The following PTPRN2 variants were observed in gnomAD, a reference collection of about 807,000 sequenced individuals.
PTPRN2 encodes receptor-type tyrosine-protein phosphatase N2.
A neutral mutation model predicts 118.8 loss-of-function variants in PTPRN2; 74 were observed. That is an observed-to-expected ratio of 0.62 (90% confidence interval 0.52 to 0.76). The LOEUF (loss-of-function observed/expected upper bound fraction) is 0.76, where lower values mean the gene tolerates loss of function less well. Among genes scored for constraint, PTPRN2 ranks in the 30% least tolerant of loss-of-function variants. The pLI, the probability that PTPRN2 is intolerant of heterozygous loss-of-function variation, is 0.00. For missense variants in PTPRN2, 1,481 were observed against 1,394.4 expected (o/e 1.06, Z -0.99); for synonymous variants, 641 against 608.0 (o/e 1.05, Z -0.80).
intron 11 of PTPRN2, among the ~76,000 whole-genome samples, chr7:157,942,993 C>G (rs1280225273): frequency 6.6e-6 from 1 of 152,194 alleles, no homozygotes; most frequent in African/African-American, 2.4e-5. Flanking sequence ...TCTGCAAGAG[C>G]CGAGCTCTGT....
At chr7:157,634,018 C>T (rs960913612) in intron 14 of PTPRN2, among the ~76,000 whole-genome samples, 9 of 152,008 alleles carry the variant, frequency 5.9e-5, no homozygotes, top group Admixed American at 2.0e-4. Context: ...TGGGGAACAG[C>T]GCGTGGGGAA....
intron 12 of PTPRN2, among the ~76,000 whole-genome samples, chr7:157,771,933 C>A (rs997481193): frequency 3.1e-5 from 4 of 130,082 alleles, no homozygotes; most frequent in Admixed American, 7.2e-5. Flanking sequence ...GAGACACACA[C>A]AGACACATAC....
rs1423597257 is a variant in PTPRN2 at position 158,587,760 on chromosome 7, C to G, written c.-91G>C. ...CCGGGCCCAGGGAGGCGCGCGCCGC[C>G]GGCTCCTCCCGCCGCGCCTCTCGCG... On this transcript the variant is annotated 5_prime_UTR_variant, in exon 1 of 23. Transcript: ENST00000389418. 9 of 1,041,432 alleles carry G rather than the reference C, an allele frequency of 8.6e-6. No homozygotes were observed. In the South Asian group the frequency reaches 2.7e-4, roughly 31 times the overall value. The allele number at this position is 1,041,432 out of a possible 1,614,324, so 64.5% of individuals were successfully genotyped here.
intron 2 of PTPRN2, among the ~76,000 whole-genome samples, chr7:158,405,328 G>A (rs1813322585): frequency 6.6e-6 from 1 of 152,172 alleles, no homozygotes; most frequent in Non-Finnish European, 1.5e-5. Flanking sequence ...CTAGCTATAG[G>A]AAAACTCTCT....
chr7:158,373,655 A>C (rs1810274087), intron 2 of PTPRN2, among the ~76,000 whole-genome samples: 1 of 152,232 alleles, frequency 6.6e-6, no homozygotes, highest in South Asian at 2.1e-4. Context: ...AATGTGATTC[A>C]TCCATCTTTG....
At chr7:158,041,985 A>G (rs1287474816) in intron 11 of PTPRN2, among the ~76,000 whole-genome samples, 6 of 152,226 alleles carry the variant, frequency 3.9e-5, no homozygotes, top group African/African-American at 7.2e-5. Flanking sequence ...TTCTTTATGT[A>G]AAAATGTACC....
intron 12 of PTPRN2, among the ~76,000 whole-genome samples, chr7:157,873,150 G>A (rs935146500): frequency 6.6e-6 from 1 of 152,214 alleles, no homozygotes; most frequent in Non-Finnish European, 1.5e-5. Context: ...CCTCTGACCG[G>A]GCCTCTTGCC....
At chr7:157,630,391 T>A (rs138499228) in intron 14 of PTPRN2, among the ~76,000 whole-genome samples, 391 of 152,298 alleles carry the variant, frequency 2.6e-3, no homozygotes, top group Non-Finnish European at 3.7e-3. Flanking sequence ...GAAACAGGAA[T>A]CCCGACCCAT....
intron 3 of PTPRN2, among the ~76,000 whole-genome samples, chr7:158,230,111 GA>G (rs201765153): frequency 6.6e-6 from 1 of 152,016 alleles, no homozygotes; most frequent in Non-Finnish European, 1.5e-5. Flanking sequence ...GCTGGAAGGA[GA>G]AAAAAATGAA....
At chr7:158,149,307 T>C (rs1820650948) in intron 6 of PTPRN2, among the ~76,000 whole-genome samples, 1 of 152,212 alleles carries the variant, frequency 6.6e-6, no homozygotes. Context: ...ATGTCATCAA[T>C]GTGTAAATCA....
intron 2 of PTPRN2, among the ~76,000 whole-genome samples, chr7:158,329,777 G>A (rs966774543): frequency 2.0e-4 from 30 of 152,236 alleles, no homozygotes; most frequent in East Asian, 1.7e-3. Context: ...CCTGGGAGTC[G>A]CAACCCAAGA....
intron 11 of PTPRN2, among the ~76,000 whole-genome samples, chr7:157,982,690 G>A (rs1367130497): frequency 7.5e-6 from 1 of 132,832 alleles, no homozygotes; most frequent in Non-Finnish European, 1.6e-5. Context: ...CACAGAGATG[G>A]AGGGGAATGC....
rs2151427964 is a variant in PTPRN2, at chr7:158,408,648, A to G, written c.163+81087T>C. The stretch of plus-strand genomic sequence containing the variant: ...AAGTCCAAATGATAAGAAAAGGTAA[A>G]TTGCATAATATAAATAAGGTGTTTC... On this transcript the variant is annotated intron_variant, in intron 2 of 22. Coordinates refer to ENST00000389418, the MANE Select transcript of PTPRN2 (RefSeq NM_002847.5). Among the ~76,000 whole-genome samples the G allele has an allele frequency of 2.0e-5, 3 of 152,364 alleles. 1 individual carries two copies. In the South Asian group the frequency reaches 6.2e-4, roughly 32 times the overall value.
rs539202589 is a variant in PTPRN2 at position 158,445,774 on chromosome 7, C to T, written c.163+43961G>A. On this transcript the variant is annotated intron_variant, in intron 2 of 22. Coordinates refer to ENST00000389418, the MANE Select transcript of PTPRN2 (RefSeq NM_002847.5). ...CCAAGTCAGCCTGTCCCTCCTTTGC[C>T]CCAGATGGCTCCTGCTCCCACCTCC... Among the ~76,000 whole-genome samples the T allele has an allele frequency of 1.7e-3, 262 of 152,354 alleles. 2 individuals carry two copies. Among genetic ancestry groups the T allele is most frequent in the African/African-American group, 5.6e-3 (231 of 41,590 alleles).
intron 13 of PTPRN2, among the ~76,000 whole-genome samples, chr7:157,662,772 C>T (rs992614269): frequency 2.6e-5 from 4 of 152,182 alleles, no homozygotes; most frequent in African/African-American, 4.8e-5. Flanking sequence ...ATCCATGCCG[C>T]GACTGCTTTC....
intron 8 of PTPRN2, among the ~76,000 whole-genome samples, chr7:158,135,439 G>A (rs938136012): frequency 2.7e-5 from 4 of 145,494 alleles, no homozygotes; most frequent in Non-Finnish European, 6.0e-5. Flanking sequence ...CATGTGAGAA[G>A]AAAAAGAAAG....
At chr7:158,527,355 C>T (rs909426473) in intron 1 of PTPRN2, among the ~76,000 whole-genome samples, 4 of 152,198 alleles carry the variant, frequency 2.6e-5, no homozygotes, top group African/African-American at 9.7e-5. Flanking sequence ...TCCCTGAAGA[C>T]AGGGCCAGCC....
At chr7:157,620,573 G>A (rs756119259) in intron 15 of PTPRN2, among the ~76,000 whole-genome samples, 12 of 152,212 alleles carry the variant, frequency 7.9e-5, no homozygotes, top group East Asian at 3.8e-4. Context: ...GGACGACAGC[G>A]TGACCCCAAT....
At chr7:157,883,466 C>A (rs984925370) in intron 12 of PTPRN2, among the ~76,000 whole-genome samples, 2 of 151,098 alleles carry the variant, frequency 1.3e-5, no homozygotes, top group African/African-American at 4.9e-5. Flanking sequence ...CGGAATGCAC[C>A]ACCCCAAAAA....
Sources: allele counts gnomAD v4.1 joint callset (sites outside exome capture counted in the v4.1 genomes callset), GRCh38; gene constraint gnomAD v4.1.1; transcripts MANE v1.5; gene names NCBI Gene and HGNC (gene_info 2026-07-23, HGNC 2026-07-21).